Variants in BBS5 observed in about 807,000 individuals in gnomAD.
The protein encoded by BBS5 is Bardet-Biedl syndrome 5.
Under a neutral mutation model 50.2 loss-of-function variants are expected in BBS5, and 39 were observed. The ratio of observed to expected loss-of-function variants is 0.78; its 90% CI spans 0.60 to 1.01. BBS5 has a LOEUF of 1.01. Ranked by LOEUF, BBS5 falls within the 50% of genes least tolerant of loss-of-function variation. BBS5 has a pLI of 0.00. For missense variants in BBS5, 356 were observed against 401.5 expected, an observed-to-expected ratio of 0.89 and a Z score of 0.97; for synonymous variants, 134 against 133.1, an observed-to-expected ratio of 1.01 and a Z score of -0.05.
Position 169,505,348 on chromosome 2 carries a change from C to G in BBS5, c.*766C>G. On this transcript the variant is annotated 3_prime_UTR_variant, in exon 12 of 12. Transcript: ENST00000295240. ...TGCCTGCCTTGGCCTCCCGAAGTGC[C>G]AAGAGTGCAGCCTCTGCCCGGCCGC... The G allele has an allele frequency of 5.5e-6, 2 of 363,468 alleles. No homozygotes were observed. Among genetic ancestry groups the G allele is most frequent in the South Asian group, 4.4e-5 (2 of 45,590 alleles). 22.5% of individuals were successfully genotyped at this position (363,468 alleles called of 1,614,324 possible).
intron 9 of BBS5, among the ~76,000 whole-genome samples, chr2:169,501,468 G>A (rs1683800307): frequency 1.3e-5 from 2 of 152,178 alleles, no homozygotes; most frequent in Non-Finnish European, 2.9e-5. Context: ...GCTTATGCTT[G>A]TAATCCCAGC....
chr2:169,481,647 A>ACTAGGTTTT (rs1683398138), intron 1 of BBS5, among the ~76,000 whole-genome samples: 4 of 151,896 alleles, frequency 2.6e-5, no homozygotes, highest in African/African-American at 9.7e-5. Context: ...ACACTGTAGA[A>ACTAGGTTTT]TGTATTCTGT....
Position 169,506,290 on chromosome 2 carries a change from T to A in BBS5, c.*1708T>A, listed in dbSNP as rs562379932. 5.9e-6 allele frequency: 1 copy of A among 170,462 alleles called. No homozygotes were observed. The highest frequency in any genetic ancestry group is 6.4e-5 in the Admixed American group (1 of 15,580). 10.6% of individuals were successfully genotyped at this position (170,462 alleles called of 1,614,324 possible). On this transcript the variant is annotated 3_prime_UTR_variant, in exon 12 of 12. Coordinates refer to ENST00000295240, the MANE Select transcript of BBS5 (RefSeq NM_152384.3). ...GCCCCTCTGCCCGGCCACCACCCCG[T>A]CTGGGAGGTGTACCCAACAGCTCAT...
chr2:169,505,104 G>T lies in BBS5; in HGVS notation c.*522G>T. On this transcript the variant is annotated 3_prime_UTR_variant, in exon 12 of 12. Transcript: ENST00000295240. ...CGAGTGCCTGCGATTACAGGCGCGC[G>T]CCGCCACACCTGACTGGTTTTCGTA... 1.0e-6 allele frequency: 1 copy of T among 978,362 alleles called. No homozygotes were observed. The highest frequency in any genetic ancestry group is 1.6e-6 in the Non-Finnish European group (1 of 631,168). The allele number at this position is 978,362 out of a possible 1,614,324, so 60.6% of individuals were successfully genotyped here.
rs10199063 is a variant in BBS5 at position 169,482,919 on chromosome 2, G to A, written c.142+586G>A. On this transcript the variant is annotated intron_variant, in intron 2 of 11. Transcript: ENST00000295240. ...TAAGGTTGGAACTTTTAAAAGTCCA[G>A]GCTGCCCATAGCAGCTATCTGTGGA... Among the ~76,000 whole-genome samples the A allele has an allele frequency of 4.4e-3, 677 of 152,318 alleles. 8 individuals are homozygous for A. Among genetic ancestry groups the A allele is most frequent in the African/African-American group, 0.016 (647 of 41,558 alleles).
At chr2:169,479,684 G>A (rs1683352381) in intron 1 of BBS5, 72 bp downstream of exon 1, 1 of 1,534,070 alleles carries the variant, frequency 6.5e-7, no homozygotes, top group Non-Finnish European at 9.0e-7. Flanking sequence ...GGGACCCGCG[G>A]GCGGAGACTG....
chr2:169,504,379 C>T (rs1683863070), intron 11 of BBS5, 53 bp downstream of exon 11: 2 of 1,591,110 alleles, frequency 1.3e-6, no homozygotes, highest in Non-Finnish European at 1.7e-6. Context: ...TAAATTCCAA[C>T]ATTTAGCATT....
intron 9 of BBS5, among the ~76,000 whole-genome samples, chr2:169,502,612 T>C (rs1187837702): frequency 7.2e-5 from 11 of 152,252 alleles, no homozygotes; most frequent in Admixed American, 7.2e-4. Flanking sequence ...TAGTACCTAA[T>C]ATAACAAAGG....
At chr2:169,491,596 G>C (rs1223597098) in intron 5 of BBS5, among the ~76,000 whole-genome samples, 1 of 152,004 alleles carries the variant, frequency 6.6e-6, no homozygotes, top group Non-Finnish European at 1.5e-5. Flanking sequence ...AATAGACATT[G>C]AAAAAGTTAT....
chr2:169,495,369 A>T (rs1683674893), intron 7 of BBS5, among the ~76,000 whole-genome samples: 1 of 152,174 alleles, frequency 6.6e-6, no homozygotes, highest in African/African-American at 2.4e-5. Context: ...ACTGAGTAGT[A>T]AACAACCTTG....
At chr2:169,496,586 T>A (rs963089134) in intron 7 of BBS5, among the ~76,000 whole-genome samples, 1 of 144,972 alleles carries the variant, frequency 6.9e-6, no homozygotes, top group Non-Finnish European at 1.5e-5. Flanking sequence ...ATACAAAAAA[T>A]TGGCCGGGCG....
rs1190786137 is a variant in BBS5 at position 169,505,068 on chromosome 2, C to A, written c.*486C>A. On this transcript the variant is annotated 3_prime_UTR_variant, in exon 12 of 12. Coordinates refer to ENST00000295240, the MANE Select transcript of BBS5 (RefSeq NM_152384.3). ...GCAACCTCCCTGCCTGATTCTCCTGCCTCAGCCTGCCGAGTGCCTGCGATT... is the reference window on the plus strand; with the variant it reads ...GCAACCTCCCTGCCTGATTCTCCTGACTCAGCCTGCCGAGTGCCTGCGATT... The A allele has an allele frequency of 2.0e-5, 27 of 1,351,490 alleles. No individual in the cohort carries two copies. Among genetic ancestry groups the A allele is most frequent in the African/African-American group, 2.9e-5 (2 of 69,486 alleles). The allele number at this position is 1,351,490 out of a possible 1,614,324, so 83.7% of individuals were successfully genotyped here.
chr2:169,490,126 C>T (rs1683566796), intron 5 of BBS5, among the ~76,000 whole-genome samples: 1 of 149,624 alleles, frequency 6.7e-6, no homozygotes, highest in Non-Finnish European at 1.5e-5. Flanking sequence ...CTGCCCGCCT[C>T]AGCCTCCCAA....
At chr2:169,482,410 T>G in intron 2 of BBS5, 77 bp downstream of exon 2, 1 of 929,786 alleles carries the variant, frequency 1.1e-6, no homozygotes, top group East Asian at 2.4e-5. Context: ...AGAGAATATA[T>G]GAAACAGCAT....
At chr2:169,481,267 A>G (rs2105291238) in intron 1 of BBS5, among the ~76,000 whole-genome samples, 1 of 152,356 alleles carries the variant, frequency 6.6e-6, no homozygotes. Flanking sequence ...AGAAGAATAA[A>G]TATTCATAGT....
chr2:169,485,739 C>T (rs1176207839), intron 2 of BBS5, among the ~76,000 whole-genome samples: 1 of 152,180 alleles, frequency 6.6e-6, no homozygotes, highest in African/African-American at 2.4e-5. Flanking sequence ...TAGAGTACAT[C>T]TAAGGGTTCC....
chr2:169,480,910 T>G (rs1683380639), intron 1 of BBS5, among the ~76,000 whole-genome samples: 1 of 152,098 alleles, frequency 6.6e-6, no homozygotes, highest in Non-Finnish European at 1.5e-5. Context: ...ACTCCTGACC[T>G]CAGGTGATCC....
At position 169,489,851 on chromosome 2, in the gene BBS5, C is replaced by CTTTTTTTTTTT. The variant is rs71003093; in HGVS notation, c.386+1768_386+1778dup. ...TATTTTTTGGCTTCTCATAAATTTCCTTTTTTTTTTTTTTTTTTTTTTTTT... is the reference window on the plus strand; with the variant it reads ...TATTTTTTGGCTTCTCATAAATTTCCTTTTTTTTTTTTTTTTTTTTTTTTTTTTTTTTTTTT... On this transcript the variant is annotated intron_variant, in intron 5 of 11. Transcript: ENST00000295240. 2.0e-4 allele frequency among the ~76,000 whole-genome samples: 13 copies of CTTTTTTTTTTT among 65,898 alleles called. 1 individual carries two copies. Among genetic ancestry groups the CTTTTTTTTTTT allele is most frequent in the Non-Finnish European group, 2.6e-4 (10 of 37,960 alleles). 43.2% of individuals were successfully genotyped at this position (65,898 alleles called of 152,430 possible).
intron 2 of BBS5, among the ~76,000 whole-genome samples, chr2:169,486,076 G>T (rs116438594): frequency 0.011 from 1,751 of 152,266 alleles, 39 homozygotes; most frequent in African/African-American, 0.039. Context: ...CTTATTATTT[G>T]TCAAAGATAT....
Sources: gnomAD v4.1 joint callset for allele counts (sites outside exome capture counted in the v4.1 genomes callset) on GRCh38, gnomAD v4.1.1 for gene constraint, MANE v1.5 for transcripts, NCBI Gene and HGNC (gene_info 2026-07-23, HGNC 2026-07-21) for gene names.